The following NCKAP5 variants were observed in gnomAD, a reference collection of about 807,000 sequenced individuals.
NCKAP5 encodes nck-associated protein 5.
NCKAP5 carries 92 observed loss-of-function variants against 167.0 expected under a neutral mutation model. That is an observed-to-expected ratio of 0.55 (90% CI 0.47 to 0.66). The LOEUF (loss-of-function observed/expected upper bound fraction) is 0.66, where lower values mean the gene tolerates loss of function less well. Among genes scored for constraint, NCKAP5 ranks in the 30% least tolerant of loss-of-function variants. The pLI is 0.00. For synonymous variants in NCKAP5, 891 were observed against 877.4 expected, an observed-to-expected ratio of 1.02 and a Z score of -0.27; for missense variants, 2,378 against 2,315.0, an observed-to-expected ratio of 1.03 and a Z score of -0.56.
At chr2:133,468,581 T>G (rs1278916491) in intron 3 of NCKAP5, among the ~76,000 whole-genome samples, 1 of 152,162 alleles carries the variant, frequency 6.6e-6, no homozygotes, top group Non-Finnish European at 1.5e-5. Flanking sequence ...ACTTTCTGTC[T>G]CGTTGATCTG....
chr2:133,144,933 C>T (rs1447788270), intron 5 of NCKAP5, among the ~76,000 whole-genome samples: 2 of 152,072 alleles, frequency 1.3e-5, no homozygotes, highest in Non-Finnish European at 2.9e-5. Flanking sequence ...TTACGTCAAA[C>T]TAATCTCAAC....
chr2:133,088,872 G>GATT (rs1448519516), intron 6 of NCKAP5, among the ~76,000 whole-genome samples: 5 of 152,058 alleles, frequency 3.3e-5, no homozygotes, highest in African/African-American at 1.2e-4. Flanking sequence ...AAAAGAAGAG[G>GATT]ATTATTTTTG....
intron 3 of NCKAP5, among the ~76,000 whole-genome samples, chr2:133,375,308 G>A (rs1349314272): frequency 6.6e-6 from 1 of 152,158 alleles, no homozygotes; most frequent in Non-Finnish European, 1.5e-5. Context: ...AATGTCTTGA[G>A]GAAACAATGT....
intron 3 of NCKAP5, among the ~76,000 whole-genome samples, chr2:133,362,828 A>G (rs148553682): frequency 0.018 from 2,708 of 152,124 alleles, 80 homozygotes; most frequent in African/African-American, 0.062. Flanking sequence ...ATCTCAGCTC[A>G]CTGCAAGCTC....
At chr2:132,700,523 A>G (rs546508117) in intron 19 of NCKAP5, among the ~76,000 whole-genome samples, 1 of 152,334 alleles carries the variant, frequency 6.6e-6, no homozygotes, top group South Asian at 2.1e-4. Flanking sequence ...GAAGGGATCC[A>G]GTTTCAGCTT....
chr2:133,078,208 G>C (rs1386403664), intron 6 of NCKAP5, among the ~76,000 whole-genome samples: 1 of 152,200 alleles, frequency 6.6e-6, no homozygotes, highest in African/African-American at 2.4e-5. Flanking sequence ...AATGTGATCA[G>C]TGCTTCCCAA....
rs528489727 is a variant in NCKAP5 at position 133,056,999 on chromosome 2, C to T, written c.342-62760G>A. The stretch of plus-strand genomic sequence containing the variant: ...CTTCATTGCTCTGTCACATTTTGGT[C>T]ATTCGTGCAATATTTCAAACTTTTT... On this transcript the variant is annotated intron_variant, in intron 6 of 19. Transcript: ENST00000409261. 2.6e-4 allele frequency among the ~76,000 whole-genome samples: 40 copies of T among 152,272 alleles called. No individual in the cohort carries two copies. In the Middle Eastern group the frequency reaches 0.014, roughly 52 times the overall value.
chr2:132,999,966 G>C (rs2077726332), intron 6 of NCKAP5, among the ~76,000 whole-genome samples: 1 of 152,180 alleles, frequency 6.6e-6, no homozygotes, highest in Non-Finnish European at 1.5e-5. Flanking sequence ...TCAATTGAAG[G>C]CTGAACCAAA....
At chr2:132,898,083 T>A (rs1259255725) in intron 8 of NCKAP5, among the ~76,000 whole-genome samples, 1 of 152,252 alleles carries the variant, frequency 6.6e-6, no homozygotes, top group East Asian at 1.9e-4. Flanking sequence ...TCTTCCAGAA[T>A]TGGAGTCAGT....
At chr2:133,401,338 G>C (rs1470999310) in intron 3 of NCKAP5, among the ~76,000 whole-genome samples, 5 of 152,142 alleles carry the variant, frequency 3.3e-5, no homozygotes, top group Admixed American at 1.3e-4. Flanking sequence ...ACTAATAATA[G>C]TAAGTTAACA....
chr2:132,738,486 C>T lies in NCKAP5; in HGVS notation c.5129-6435G>A, dbSNP rs557614283. Reference sequence around the variant, plus strand: ...CAGTATTGTGAGAACTAAGTTCTTACTAAAGAGTCACGTTCCTGGGGCCAT... The same window carrying T: ...CAGTATTGTGAGAACTAAGTTCTTATTAAAGAGTCACGTTCCTGGGGCCAT... On this transcript the variant is annotated intron_variant, in intron 16 of 19. Coordinates refer to ENST00000409261, the MANE Select transcript of NCKAP5 (RefSeq NM_207363.3). 8.5e-5 allele frequency among the ~76,000 whole-genome samples: 13 copies of T among 152,276 alleles called. No homozygotes were observed. In the South Asian group the frequency reaches 2.7e-3, roughly 32 times the overall value.
intron 16 of NCKAP5, among the ~76,000 whole-genome samples, chr2:132,759,957 G>A (rs903526858): frequency 4.0e-5 from 6 of 150,646 alleles, no homozygotes; most frequent in Non-Finnish European, 8.9e-5. Flanking sequence ...TCTACTAGAT[G>A]GGAAATTTTA....
chr2:133,120,708 G>A (rs1292186778), intron 6 of NCKAP5, among the ~76,000 whole-genome samples: 2 of 152,128 alleles, frequency 1.3e-5, no homozygotes, highest in Non-Finnish European at 2.9e-5. Context: ...CATCACAGAA[G>A]CCCAGAGATG....
chr2:133,396,514 T>C (rs1687738811), intron 3 of NCKAP5, among the ~76,000 whole-genome samples: 1 of 152,174 alleles, frequency 6.6e-6, no homozygotes, highest in Non-Finnish European at 1.5e-5. Flanking sequence ...AGTTAAGACA[T>C]ATAGTGTATT....
intron 15 of NCKAP5, among the ~76,000 whole-genome samples, chr2:132,778,364 A>G (rs1238932640): frequency 6.6e-6 from 1 of 152,124 alleles, no homozygotes; most frequent in Admixed American, 6.5e-5. Context: ...ATATTTTAGA[A>G]TGTTTCTAGC....
intron 3 of NCKAP5, among the ~76,000 whole-genome samples, chr2:133,389,759 C>T (rs1367394902): frequency 6.6e-6 from 1 of 152,198 alleles, no homozygotes; most frequent in Non-Finnish European, 1.5e-5. Flanking sequence ...AGCTCACCCT[C>T]TCTCTTCCCC....
chr2:132,854,164 T>A (rs957172866), intron 11 of NCKAP5, among the ~76,000 whole-genome samples: 7 of 152,202 alleles, frequency 4.6e-5, no homozygotes, highest in African/African-American at 1.7e-4. Flanking sequence ...AGAGTAGGAA[T>A]CCTACCTTGA....
chr2:132,766,187 G>A (rs761412390), intron 16 of NCKAP5, among the ~76,000 whole-genome samples: 5 of 147,864 alleles, frequency 3.4e-5, no homozygotes, highest in Admixed American at 7.0e-5. Context: ...GGCTGAGGCA[G>A]GAGAATTGCT....
intron 3 of NCKAP5, among the ~76,000 whole-genome samples, chr2:133,340,691 G>A (rs1003346812): frequency 6.6e-6 from 1 of 152,010 alleles, no homozygotes; most frequent in African/African-American, 2.4e-5. Context: ...ACCTAACTTG[G>A]GTGGCATTAA....
Sources: allele counts gnomAD v4.1 joint callset (sites outside exome capture counted in the v4.1 genomes callset), GRCh38; gene constraint gnomAD v4.1.1; transcripts MANE v1.5; gene names NCBI Gene and HGNC (gene_info 2026-07-23, HGNC 2026-07-21).